ZNF577: variants seen among roughly 807,000 people sequenced by gnomAD.
ZNF577 encodes the protein zinc finger protein 577.
Under a neutral mutation model 13.9 loss-of-function variants are expected in ZNF577, and 14 were observed. The observed-to-expected ratio is 1.00, with a 90% CI of 0.66 to 1.57. ZNF577 has a LOEUF of 1.57. Ranked by LOEUF, ZNF577 falls within the 40% of genes most tolerant of loss-of-function variation. ZNF577 has a pLI of 0.00. For synonymous variants in ZNF577, 203 were observed against 202.9 expected, an observed-to-expected ratio of 1.00 and a Z score of 0.00; for missense variants, 555 against 579.2, an observed-to-expected ratio of 0.96 and a Z score of 0.43.
In ZNF577 at chr19:51,824,156, T is replaced by C; in HGVS notation, c.*600-12482A>G. ...TGCATCCAGCCTGGGCCCAGAACCA[T>C]CGCACCATGAGTCTGGCCAAGAGGG... On this transcript the variant is annotated intron_variant and NMD_transcript_variant, in intron 9 of 10. Coordinates refer to the ZNF577 transcript ENST00000638827. This position sits in a 1 kb window ranked among gnomAD's most constrained non-coding sequence, Gnocchi z 4.7. 1 of 1,614,086 alleles carries C rather than the reference T, an allele frequency of 6.2e-7. No individual in the cohort carries two copies. Among genetic ancestry groups the C allele is most frequent in the African/African-American group, 1.3e-5 (1 of 75,050 alleles).
rs114317344 is a variant in ZNF577 at position 51,847,690 on chromosome 19, C to A, written c.284-2759G>T. On this transcript the variant is annotated intron_variant and NMD_transcript_variant, in intron 5 of 10. Transcript: ENST00000638827. Reference sequence around the variant, plus strand: ...CTAAAAGCCCTCAACAACCCCGAAGCGGCCTTAAACGGCAACCCCAGATGG... The same window carrying A: ...CTAAAAGCCCTCAACAACCCCGAAGAGGCCTTAAACGGCAACCCCAGATGG... Among the ~76,000 whole-genome samples, 818 of 152,194 alleles carry A rather than the reference C, an allele frequency of 5.4e-3. 8 individuals are homozygous for A. The highest frequency in any genetic ancestry group is 0.019 in the African/African-American group (786 of 41,508).
Position 51,824,342 on chromosome 19 carries a change from CA to C in ZNF577, c.*600-12669del. ...GGTTGAACGTGTTCATTACCATGGC[CA>C]AGGTCTTTCTGATCCTCCACTTCAT... On this transcript the variant is annotated intron_variant and NMD_transcript_variant, in intron 9 of 10. Coordinates refer to the ZNF577 transcript ENST00000638827. The surrounding 1 kb of genome is among the most constrained non-coding windows in gnomAD (Gnocchi z 4.7). 6.2e-7 allele frequency: 1 copy of C among 1,614,126 alleles called. No homozygotes were observed. Among genetic ancestry groups the C allele is most frequent in the Non-Finnish European group, 8.5e-7 (1 of 1,179,998 alleles).
rs748290067 is a variant in ZNF577 at position 51,824,157 on chromosome 19, C to G, written c.*600-12483G>C. 16 of 1,613,876 alleles carry G rather than the reference C, an allele frequency of 9.9e-6. No individual in the cohort carries two copies. The highest frequency in any genetic ancestry group is 2.2e-5 in the East Asian group (1 of 44,868). On this transcript the variant is annotated intron_variant and NMD_transcript_variant, in intron 9 of 10. Coordinates refer to the ZNF577 transcript ENST00000638827. The surrounding 1 kb of genome is among the most constrained non-coding windows in gnomAD (Gnocchi z 4.7). ...GCATCCAGCCTGGGCCCAGAACCATCGCACCATGAGTCTGGCCAAGAGGGT... is the reference window on the plus strand; with the variant it reads ...GCATCCAGCCTGGGCCCAGAACCATGGCACCATGAGTCTGGCCAAGAGGGT...
At chr19:51,811,049 T>C (rs1392670867) in intron 10 of ZNF577, among the ~76,000 whole-genome samples, 1 of 152,170 alleles carries the variant, frequency 6.6e-6, no homozygotes, top group East Asian at 1.9e-4. Flanking sequence ...TATTTTCATC[T>C]GGAGCTGTGA....
In ZNF577 at chr19:51,880,349, T is replaced by C; in HGVS notation, c.34A>G (p.Arg12Gly). The C allele has an allele frequency of 6.2e-7, 1 of 1,614,130 alleles. No individual in the cohort carries two copies. The highest frequency in any genetic ancestry group is 1.3e-5 in the African/African-American group (1 of 75,064). ...TCCCCTGAAGAACTGCCTTGCTCTCTCCTCACAGACATTACAATCGTGGCA... is the reference window on the plus strand; with the variant it reads ...TCCCCTGAAGAACTGCCTTGCTCTCCCCTCACAGACATTACAATCGTGGCA... The part of the protein sequence containing the change: ...KNATIVMSVR[R>G]EQGSSSGEGS... The change falls in exon 3 of 6, where the codon AGA becomes GGA. Residue 12 changes from arginine to glycine, a missense_variant. Coordinates refer to ENST00000638348, the MANE Select transcript of ZNF577 (RefSeq NM_001370449.1).
At chr19:51,830,774 G>C (rs1187088210) in intron 9 of ZNF577, among the ~76,000 whole-genome samples, 1 of 152,032 alleles carries the variant, frequency 6.6e-6, no homozygotes, top group African/African-American at 2.4e-5. Context: ...TGGTGTACCC[G>C]AGGGCTCAAT....
chr19:51,813,540 CTT>C (rs1018282779), intron 9 of ZNF577, among the ~76,000 whole-genome samples: 42 of 151,218 alleles, frequency 2.8e-4, no homozygotes, highest in African/African-American at 9.7e-4. Flanking sequence ...GGATGTTTTC[CTT>C]TTTTTTGAGA....
intron 1 of ZNF577, among the ~76,000 whole-genome samples, chr19:51,883,839 G>A (rs547473319): frequency 4.0e-4 from 61 of 152,282 alleles, no homozygotes; most frequent in African/African-American, 1.4e-3. Flanking sequence ...TTGGGAGGCC[G>A]ACATGGGCAG....
chr19:51,857,302 GAAAA>G (rs1474940312), intron 5 of ZNF577, among the ~76,000 whole-genome samples: 1 of 137,840 alleles, frequency 7.3e-6, no homozygotes, highest in African/African-American at 2.7e-5. Context: ...CATCAAAAAA[GAAAA>G]GAAAGGAAGG....
chr19:51,843,008 C>A (rs2084329302), intron 7 of ZNF577: 1 of 152,172 alleles, frequency 6.6e-6, no homozygotes, highest in African/African-American at 2.4e-5. Context: ...CTCAGCAGAA[C>A]AGAAACCTTT....
At position 51,869,273 on chromosome 19, in the gene ZNF577, G is replaced by T. The variant is rs1193459583; in HGVS notation, c.*3259C>A. Among the ~76,000 whole-genome samples the T allele has an allele frequency of 6.6e-6, 1 of 152,214 alleles. No individual in the cohort carries two copies. Among genetic ancestry groups the T allele is most frequent in the Non-Finnish European group, 1.5e-5 (1 of 68,036 alleles). On this transcript the variant is annotated 3_prime_UTR_variant, in exon 6 of 6. Coordinates refer to ENST00000638348, the MANE Select transcript of ZNF577 (RefSeq NM_001370449.1). ...TCGTACATTCTATTTGCTGAGATAGGAGAAAACCACCTTATGGCTGGATGT... is the reference window on the plus strand; with the variant it reads ...TCGTACATTCTATTTGCTGAGATAGTAGAAAACCACCTTATGGCTGGATGT...
chr19:51,826,369 A>G (rs2084231863), intron 9 of ZNF577, among the ~76,000 whole-genome samples: 1 of 152,224 alleles, frequency 6.6e-6, no homozygotes, highest in Non-Finnish European at 1.5e-5. Context: ...CTCGGGTATT[A>G]TATCTTTGTT....
At chr19:51,852,533 A>G (rs184563140) in intron 5 of ZNF577, among the ~76,000 whole-genome samples, 1 of 152,348 alleles carries the variant, frequency 6.6e-6, no homozygotes, top group East Asian at 1.9e-4. Flanking sequence ...TGAGGTTTAT[A>G]GAGCAAAGAA....
Position 51,869,910 on chromosome 19 carries a change from C to T in ZNF577, c.*2622G>A, listed in dbSNP as rs2084631714. Among the ~76,000 whole-genome samples the T allele has an allele frequency of 6.6e-6, 1 of 152,178 alleles. No individual in the cohort carries two copies. Among genetic ancestry groups the T allele is most frequent in the South Asian group, 2.1e-4 (1 of 4,826 alleles). On this transcript the variant is annotated 3_prime_UTR_variant, in exon 6 of 6. Coordinates refer to ENST00000638348, the MANE Select transcript of ZNF577 (RefSeq NM_001370449.1). The stretch of plus-strand genomic sequence containing the variant: ...GCTCAGCAGCCCTGTTCAAAAGCCT[C>T]AGTTCCCAGAGAAGGCAAAGAGGGG...
chr19:51,856,089 T>TTACA (rs2084415937), intron 5 of ZNF577: 1 of 152,228 alleles, frequency 6.6e-6, no homozygotes, highest in African/African-American at 2.4e-5. Context: ...AGCCTTTGGT[T>TTACA]ATTTTCCAAA....
At chr19:51,876,785 G>A (rs147799292) in intron 5 of ZNF577, among the ~76,000 whole-genome samples, 21 of 151,864 alleles carry the variant, frequency 1.4e-4, no homozygotes, top group African/African-American at 4.6e-4. Flanking sequence ...AAAATTAGCC[G>A]GGCCTGGTGG....
intron 5 of ZNF577, among the ~76,000 whole-genome samples, chr19:51,857,360 AGG>A (rs2084436753): frequency 2.9e-5 from 3 of 103,646 alleles, no homozygotes; most frequent in Non-Finnish European, 5.6e-5. Context: ...GAAAGAAAGA[AGG>A]AAGGAAAGAA....
At chr19:51,822,407 T>C (rs1272575546) in intron 9 of ZNF577, among the ~76,000 whole-genome samples, 1 of 152,204 alleles carries the variant, frequency 6.6e-6, no homozygotes, top group African/African-American at 2.4e-5. Context: ...GCGATTTGAT[T>C]TGCAGAGAAG....
intron 9 of ZNF577, among the ~76,000 whole-genome samples, chr19:51,838,504 T>A (rs1468642): frequency 0.39 from 57,647 of 149,216 alleles, 11,358 homozygotes; most frequent in South Asian, 0.47. Flanking sequence ...AATTTTTTTT[T>A]AAAATAGCCA....
Sources: gnomAD v4.1 joint callset for allele counts (sites outside exome capture counted in the v4.1 genomes callset) on GRCh38, gnomAD v4.1.1 for gene constraint, Gnocchi (gnomAD v3.1) non-coding constraint, MANE v1.5 for transcripts, NCBI Gene and HGNC (gene_info 2026-07-23, HGNC 2026-07-21) for gene names.